GDAP2: variants seen among roughly 807,000 people sequenced by gnomAD.
GDAP2 encodes ganglioside-induced differentiation-associated protein 2.
GDAP2 carries 51 observed loss-of-function variants against 67.0 expected under a neutral mutation model. The observed-to-expected ratio is 0.76, with a 90% CI of 0.61 to 0.96. The LOEUF is 0.96. GDAP2 is among the 40% of genes least tolerant of loss of function. The pLI is 0.00. For missense variants in GDAP2, 547 were observed against 588.3 expected (o/e 0.93, Z 0.73); for synonymous variants, 203 against 207.3 (o/e 0.98, Z 0.18).
At chr1:117,910,990 G>A (rs1444221565) in intron 5 of GDAP2, among the ~76,000 whole-genome samples, 1 of 152,160 alleles carries the variant, frequency 6.6e-6, no homozygotes, top group Non-Finnish European at 1.5e-5. Flanking sequence ...CGTAGTTTAT[G>A]ACAATATCCC....
rs184280096 is a variant in GDAP2, at chr1:117,870,520, G to A, written c.*49C>T. On this transcript the variant is annotated 3_prime_UTR_variant, in exon 14 of 14. Coordinates refer to ENST00000369443, the MANE Select transcript of GDAP2 (RefSeq NM_017686.4). ...ATATCACTTCAACAGGTAGCTATTCGTGGAGGAAGTGGCATCCTGGGAACC... is the reference window on the plus strand; with the variant it reads ...ATATCACTTCAACAGGTAGCTATTCATGGAGGAAGTGGCATCCTGGGAACC... 547 of 1,132,640 alleles carry A rather than the reference G, an allele frequency of 4.8e-4. No homozygotes were observed. The highest frequency in any genetic ancestry group is 6.6e-4 in the Non-Finnish European group (486 of 740,334). 70.2% of individuals were successfully genotyped at this position (1,132,640 alleles called of 1,614,324 possible). A position where few individuals can be genotyped will look rare whatever the true frequency, so the allele number is the denominator to read the frequency against.
intron 3 of GDAP2, among the ~76,000 whole-genome samples, chr1:117,918,346 T>G (rs1474539946): frequency 6.6e-6 from 1 of 152,210 alleles, no homozygotes; most frequent in African/African-American, 2.4e-5. Context: ...CTACAGTGAT[T>G]GTCATTTAAA....
intron 7 of GDAP2, among the ~76,000 whole-genome samples, chr1:117,898,320 A>G (rs986656640): frequency 2.5e-4 from 38 of 152,186 alleles, no homozygotes; most frequent in Non-Finnish European, 5.1e-4. Flanking sequence ...CAGATATTTC[A>G]CATTTCCTGA....
chr1:117,878,157 T>C lies in GDAP2; in HGVS notation c.1303-5A>G. 6.7e-7 allele frequency: 1 copy of C among 1,484,508 alleles called. No individual in the cohort carries two copies. Among genetic ancestry groups the C allele is most frequent in the Non-Finnish European group, 9.2e-7 (1 of 1,088,024 alleles). 92.0% of individuals were successfully genotyped at this position (1,484,508 alleles called of 1,614,324 possible). On this transcript the variant is annotated splice_region_variant and splice_polypyrimidine_tract_variant and intron_variant, in intron 12 of 13. Transcript: ENST00000369443. ...GGTAAAAAACCATGTTGACACCTGA[T>C]TAATAGAAGAGAAAAAATAATTTAA... is the stretch of plus-strand genomic sequence containing the variant.
intron 5 of GDAP2, among the ~76,000 whole-genome samples, chr1:117,908,613 G>C (rs1649739409): frequency 6.6e-6 from 1 of 152,056 alleles, no homozygotes; most frequent in Admixed American, 6.5e-5. Context: ...ACTTGAGCCT[G>C]AGTTCAAGAC....
Position 117,870,394 on chromosome 1 carries a change from A to C in GDAP2, c.*175T>G. On this transcript the variant is annotated 3_prime_UTR_variant, in exon 14 of 14. Coordinates refer to ENST00000369443, the MANE Select transcript of GDAP2 (RefSeq NM_017686.4). ...AAATGTGTGCAGTTCAGAATGGCCT[A>C]CCATTTTTAGATTGCTTATGTGCCA... The C allele has an allele frequency of 1.7e-6, 1 of 598,038 alleles. No homozygotes were observed. Among genetic ancestry groups the C allele is most frequent in the Non-Finnish European group, 3.0e-6 (1 of 334,638 alleles). The allele number at this position is 598,038 out of a possible 1,614,324, so 37.0% of individuals were successfully genotyped here. A position where few individuals can be genotyped will look rare whatever the true frequency, so the allele number is the denominator to read the frequency against.
chr1:117,927,265 T>C (rs1446472558), intron 1 of GDAP2, among the ~76,000 whole-genome samples: 2 of 152,168 alleles, frequency 1.3e-5, no homozygotes, highest in Admixed American at 1.3e-4. Flanking sequence ...TAAGAAGTCC[T>C]TTAAATACTG....
intron 10 of GDAP2, among the ~76,000 whole-genome samples, chr1:117,884,398 C>T (rs1318542918): frequency 1.3e-5 from 2 of 152,162 alleles, no homozygotes; most frequent in Non-Finnish European, 2.9e-5. Context: ...TAAACAATCA[C>T]ATAGAAAAAG....
At chr1:117,874,135 T>A (rs1648380786) in intron 13 of GDAP2, among the ~76,000 whole-genome samples, 1 of 152,184 alleles carries the variant, frequency 6.6e-6, no homozygotes, top group Non-Finnish European at 1.5e-5. Flanking sequence ...TTCCACATCA[T>A]CTCCTGATAT....
At chr1:117,900,887 C>T (rs1383734525) in intron 6 of GDAP2, among the ~76,000 whole-genome samples, 4 of 151,858 alleles carry the variant, frequency 2.6e-5, no homozygotes, top group Non-Finnish European at 4.4e-5. Context: ...AGTGAAACCC[C>T]GTCTCTACTA....
chr1:117,890,071 GAC>G (rs1399711263), intron 8 of GDAP2, among the ~76,000 whole-genome samples: 2 of 152,102 alleles, frequency 1.3e-5, no homozygotes, highest in Non-Finnish European at 2.9e-5. Flanking sequence ...ATGTGAGACA[GAC>G]ATATTACAGT....
chr1:117,902,572 A>G (rs141161271), intron 6 of GDAP2, among the ~76,000 whole-genome samples: 19 of 152,326 alleles, frequency 1.2e-4, no homozygotes, highest in African/African-American at 4.3e-4. Context: ...TCTTTCCCTC[A>G]TTAAATTGTC....
intron 6 of GDAP2, among the ~76,000 whole-genome samples, chr1:117,901,978 G>GT (rs1456900237): frequency 1.3e-5 from 2 of 152,128 alleles, no homozygotes; most frequent in Non-Finnish European, 2.9e-5. Flanking sequence ...GTCCTAAACT[G>GT]TAAGTCCTGC....
intron 10 of GDAP2, among the ~76,000 whole-genome samples, chr1:117,885,328 T>C (rs1648814020): frequency 1.3e-5 from 2 of 152,096 alleles, no homozygotes; most frequent in African/African-American, 2.4e-5. Flanking sequence ...TATATCACTA[T>C]ATATGACGAA....
rs1648167429 is a variant in GDAP2 at position 117,868,996 on chromosome 1, C to T, written c.*1573G>A. On this transcript the variant is annotated 3_prime_UTR_variant, in exon 14 of 14. Coordinates refer to ENST00000369443, the MANE Select transcript of GDAP2 (RefSeq NM_017686.4). ...GGATGAATTTAATGCACTATAGGGG[C>T]ATTTCCCTATCATAAATGAAGAGAA... The T allele has an allele frequency of 6.6e-6, 1 of 152,152 alleles. No individual in the cohort carries two copies. The highest frequency in any genetic ancestry group is 1.9e-4 in the East Asian group (1 of 5,202). The allele number at this position is 152,152 out of a possible 1,614,324, so 9.4% of individuals were successfully genotyped here. A position where few individuals can be genotyped will look rare whatever the true frequency, so the allele number is the denominator to read the frequency against.
At chr1:117,915,676 C>T (rs1245541800) in intron 3 of GDAP2, among the ~76,000 whole-genome samples, 1 of 152,170 alleles carries the variant, frequency 6.6e-6, no homozygotes, top group African/African-American at 2.4e-5. Flanking sequence ...CATACAGGTT[C>T]ATACAACAAA....
chr1:117,902,416 T>C (rs1204600170), intron 6 of GDAP2, among the ~76,000 whole-genome samples: 3 of 152,264 alleles, frequency 2.0e-5, no homozygotes, highest in African/African-American at 7.2e-5. Flanking sequence ...CACTTTCTTC[T>C]AAGAGTTTTA....
At chr1:117,928,130 C>T (rs1650523077) in intron 1 of GDAP2, among the ~76,000 whole-genome samples, 1 of 151,906 alleles carries the variant, frequency 6.6e-6, no homozygotes, top group Non-Finnish European at 1.5e-5. Flanking sequence ...AAACCAAACC[C>T]GTGTTCAAGA....
chr1:117,913,608 T>C (rs569302277), intron 3 of GDAP2: 20 of 152,256 alleles, frequency 1.3e-4, no homozygotes, highest in African/African-American at 4.8e-4. Context: ...TCCTGGAGGA[T>C]TCCTTTCCAA....
Sources: allele counts gnomAD v4.1 joint callset (sites outside exome capture counted in the v4.1 genomes callset), GRCh38; gene constraint gnomAD v4.1.1; transcripts MANE v1.5; gene names NCBI Gene and HGNC (gene_info 2026-07-23, HGNC 2026-07-21).